Variants in TMCO4 observed in about 807,000 individuals in gnomAD.
The protein encoded by TMCO4 is transmembrane and coiled-coil domains 4, also known as transmembrane and coiled-coil domain-containing protein 4.
Under a neutral mutation model 64.7 loss-of-function variants are expected in TMCO4, and 58 were observed. The ratio of observed to expected loss-of-function variants is 0.90; its 90% CI spans 0.73 to 1.12. TMCO4 has a LOEUF of 1.12. TMCO4 is among the 50% of genes most tolerant of loss of function. The pLI is 0.00. For missense variants in TMCO4, 780 were observed against 825.9 expected, an observed-to-expected ratio of 0.94 and a Z score of 0.68; for synonymous variants, 325 against 346.1, an observed-to-expected ratio of 0.94 and a Z score of 0.68.
At position 19,682,405 on chromosome 1, in the gene TMCO4, G is replaced by GACGGGGGA. The variant is rs1383185413; in HGVS notation, c.*627_*634dup. ...TGTTAGTGGTGTCCAGATGTTGCAT[G>GACGGGGGA]ACGGGGGAGCACACTCACATTGTGT... On this transcript the variant is annotated 3_prime_UTR_variant, in exon 16 of 16. Coordinates refer to ENST00000294543, the MANE Select transcript of TMCO4 (RefSeq NM_181719.7). 8 of 556,194 alleles carry GACGGGGGA rather than the reference G, an allele frequency of 1.4e-5. No homozygotes were observed. In the Admixed American group the frequency reaches 1.8e-4, roughly 13 times the overall value. The allele number at this position is 556,194 out of a possible 1,614,324, so 34.5% of individuals were successfully genotyped here. A position where few individuals can be genotyped will look rare whatever the true frequency, so the allele number is the denominator to read the frequency against.
rs1315042257 is a variant in TMCO4, at chr1:19,787,963, C to T, written c.-100-846G>A. On this transcript the variant is annotated intron_variant, in intron 2 of 15. Coordinates refer to ENST00000294543, the MANE Select transcript of TMCO4 (RefSeq NM_181719.7). ...GTAGAGACGGGGTTTTGCCATGTTG[C>T]CCAGGCTGGTCTGGAACTCCTGAGC... 2.0e-5 allele frequency among the ~76,000 whole-genome samples: 3 copies of T among 152,088 alleles called. No individual in the cohort carries two copies. The East Asian group carries it at 5.8e-4, about 29-fold the overall frequency.
intron 13 of TMCO4, among the ~76,000 whole-genome samples, chr1:19,736,866 A>C (rs1481239336): frequency 1.3e-5 from 2 of 152,180 alleles, no homozygotes; most frequent in African/African-American, 4.8e-5. Context: ...TAAGTAAATG[A>C]TCTTGACATG....
chr1:19,781,819 T>A (rs773167163), intron 3 of TMCO4, among the ~76,000 whole-genome samples: 15 of 152,114 alleles, frequency 9.9e-5, no homozygotes, highest in Non-Finnish European at 1.8e-4. Context: ...GCTAACTTTT[T>A]GTATTTTTAG....
At chr1:19,776,152 C>G (rs1000075237) in intron 4 of TMCO4, among the ~76,000 whole-genome samples, 1 of 152,222 alleles carries the variant, frequency 6.6e-6, no homozygotes, top group Non-Finnish European at 1.5e-5. Flanking sequence ...AAGTGATCTG[C>G]CCGCCTCAGC....
At chr1:19,798,027 A>G (rs79543857) in intron 2 of TMCO4, 110 bp downstream of exon 2, 4,316 of 178,394 alleles carry the variant, frequency 0.024, 251 homozygotes, top group African/African-American at 0.082. Context: ...AGGAGAAAGA[A>G]GAAAATGGGA....
At chr1:19,712,326 A>C (rs1027133856) in intron 13 of TMCO4, among the ~76,000 whole-genome samples, 2 of 152,104 alleles carry the variant, frequency 1.3e-5, no homozygotes, top group Admixed American at 1.3e-4. Flanking sequence ...ATACAATAAT[A>C]ATGAAAAGGC....
rs762184488 is a variant in TMCO4, at chr1:19,700,885, T to C, written c.1265A>G (p.Asp422Gly). ...GACGTCCTCGATGATTCCTTGGCAA[T>C]CTGGCAAAAGACCCCAGAAAAGGCC... ...FCLQEMAQEK[D>G]CQGIIEDVIL... The change falls in exon 14 of 16, where the codon GAT becomes GGT. Residue 422 changes from aspartate to glycine, a missense_variant and splice_region_variant. Transcript: ENST00000294543. 1.2e-6 allele frequency: 2 copies of C among 1,614,122 alleles called. No individual in the cohort carries two copies. The highest frequency in any genetic ancestry group is 1.7e-6 in the Non-Finnish European group (2 of 1,179,952).
chr1:19,688,059 C>G (rs904911370), intron 15 of TMCO4, among the ~76,000 whole-genome samples: 1 of 152,156 alleles, frequency 6.6e-6, no homozygotes, highest in African/African-American at 2.4e-5. Context: ...AGATTCAGCC[C>G]CTGACCATCT....
chr1:19,684,063 CTTTTTTTTTTT>C (rs3048209), intron 15 of TMCO4, among the ~76,000 whole-genome samples: 20 of 70,316 alleles, frequency 2.8e-4, no homozygotes, highest in Admixed American at 1.0e-3. Flanking sequence ...TGCCCGGCAG[CTTTTTTTTTTT>C]TTTTTTTTTT....
rs2095110056 is a variant in TMCO4 at position 19,682,518 on chromosome 1, G to T, written c.*522C>A. The T allele has an allele frequency of 1.4e-6, 1 of 693,874 alleles. No homozygotes were observed. The highest frequency in any genetic ancestry group is 2.0e-5 in the Admixed American group (1 of 49,076). The allele number at this position is 693,874 out of a possible 1,614,324, so 43.0% of individuals were successfully genotyped here. A position where few individuals can be genotyped will look rare whatever the true frequency, so the allele number is the denominator to read the frequency against. On this transcript the variant is annotated 3_prime_UTR_variant, in exon 16 of 16. Transcript: ENST00000294543. The stretch of plus-strand genomic sequence containing the variant: ...CTGATTGGATCTCCTAAGAGCAGGA[G>T]TGAGCTGCCTTCTTTGTACCTGCGC...
chr1:19,753,149 G>A (rs147561424), intron 7 of TMCO4, among the ~76,000 whole-genome samples: 3,096 of 151,854 alleles, frequency 0.02, 58 homozygotes, highest in East Asian at 0.054. Flanking sequence ...TAGTAGAGAC[G>A]GGGTTTCACC....
Position 19,703,257 on chromosome 1 carries a change from T to G in TMCO4, c.1265-2372A>C, listed in dbSNP as rs575705036. On this transcript the variant is annotated intron_variant, in intron 13 of 15. Coordinates refer to ENST00000294543, the MANE Select transcript of TMCO4 (RefSeq NM_181719.7). ...TGTGACTTGAACCAAATCATGTAAC[T>G]TCTCCAAGCCTAAAAGAGGATGATG... Among the ~76,000 whole-genome samples, 6 of 152,322 alleles carry G rather than the reference T, an allele frequency of 3.9e-5. No homozygotes were observed. The South Asian group carries it at 1.2e-3, about 32-fold the overall frequency.
rs115175648 is a variant in TMCO4 at position 19,731,043 on chromosome 1, G to T, written c.1264+6329C>A. ...CAGGCAGTGCAGCTGGGAGGAATGA[G>T]ATGTGAAACAGCAGCCCTGGGCAAA... On this transcript the variant is annotated intron_variant, in intron 13 of 15. Coordinates refer to ENST00000294543, the MANE Select transcript of TMCO4 (RefSeq NM_181719.7). Among the ~76,000 whole-genome samples, 712 of 152,326 alleles carry T rather than the reference G, an allele frequency of 4.7e-3. 8 individuals are homozygous for T. Among genetic ancestry groups the T allele is most frequent in the Non-Finnish European group, 7.1e-3 (482 of 68,030 alleles).
At chr1:19,749,037 C>G (rs904353089) in intron 7 of TMCO4, among the ~76,000 whole-genome samples, 17 of 152,208 alleles carry the variant, frequency 1.1e-4, no homozygotes, top group African/African-American at 4.1e-4. Flanking sequence ...GTAAAAATCT[C>G]TGTGCATATC....
At chr1:19,793,060 A>G (rs1350566223) in intron 2 of TMCO4, among the ~76,000 whole-genome samples, 1 of 151,988 alleles carries the variant, frequency 6.6e-6, no homozygotes, top group Non-Finnish European at 1.5e-5. Context: ...GTGAGCCACC[A>G]CGCCTGGCCT....
intron 13 of TMCO4, among the ~76,000 whole-genome samples, chr1:19,720,499 A>G (rs1012090420): frequency 3.3e-5 from 5 of 152,090 alleles, no homozygotes; most frequent in African/African-American, 1.2e-4. Context: ...GATCTTCCCA[A>G]TGGACTTAGA....
chr1:19,739,671 T>C (rs1475377673), intron 12 of TMCO4, among the ~76,000 whole-genome samples, 153 bp downstream of exon 12: 1 of 152,190 alleles, frequency 6.6e-6, no homozygotes, highest in Non-Finnish European at 1.5e-5. Flanking sequence ...CATTCATTAC[T>C]TGAACTGGAG....
At chr1:19,712,238 C>T (rs1570718841) in intron 13 of TMCO4, among the ~76,000 whole-genome samples, 2 of 152,278 alleles carry the variant, frequency 1.3e-5, no homozygotes, top group Non-Finnish European at 1.5e-5. Context: ...CTAAGTTCAC[C>T]GTCTTATATG....
At chr1:19,699,801 C>T (rs2095259756) in intron 14 of TMCO4, among the ~76,000 whole-genome samples, 1 of 152,164 alleles carries the variant, frequency 6.6e-6, no homozygotes, top group Admixed American at 6.5e-5. Flanking sequence ...ATGTATGTAC[C>T]ATGCACACAC....
Sources: gnomAD v4.1 joint callset for allele counts (sites outside exome capture counted in the v4.1 genomes callset) on GRCh38, gnomAD v4.1.1 for gene constraint, MANE v1.5 for transcripts, NCBI Gene and HGNC (gene_info 2026-07-23, HGNC 2026-07-21) for gene names.